The following MYBPC2 variants were observed in gnomAD, a reference collection of about 807,000 sequenced individuals.
MYBPC2 encodes the protein myosin binding protein C2.
In MYBPC2, 122 loss-of-function variants were observed where a neutral mutation model predicts 137.0. The observed-to-expected ratio is 0.89, with a 90% confidence interval of 0.77 to 1.03. MYBPC2 has a LOEUF of 1.03. MYBPC2 is among the 50% of genes least tolerant of loss of function. MYBPC2 has a pLI of 0.00. For missense variants in MYBPC2, 1,500 were observed against 1,534.4 expected (o/e 0.98, Z 0.37); for synonymous variants, 626 against 612.3 (o/e 1.02, Z -0.33).
chr19:50,462,150 G>C (rs528221982), intron 26 of MYBPC2, 114 bp downstream of exon 26: 25 of 1,396,964 alleles, frequency 1.8e-5, no homozygotes, highest in Middle Eastern at 5.0e-4. Flanking sequence ...TCTGTCTCAA[G>C]GGATTTAGTC....
chr19:50,435,050 G>A lies in MYBPC2; in HGVS notation c.20-111G>A. 2 of 678,722 alleles carry A rather than the reference G, an allele frequency of 2.9e-6. No individual in the cohort carries two copies. Among genetic ancestry groups the A allele is most frequent in the Admixed American group, 2.2e-5 (1 of 44,910 alleles). The allele number at this position is 678,722 out of a possible 1,614,324, so 42.0% of individuals were successfully genotyped here. A position where few individuals can be genotyped will look rare whatever the true frequency, so the allele number is the denominator to read the frequency against. ...TGAGGGAGGAGGGGCTGGGGGCCTG[G>A]ACTCCTGGGTCTGAGGGAGGAGGGG... is the stretch of plus-strand genomic sequence containing the variant. On this transcript the variant is annotated intron_variant, in intron 1 of 27. Coordinates refer to ENST00000357701, the MANE Select transcript of MYBPC2 (RefSeq NM_004533.4). This position sits in a 1 kb window ranked among gnomAD's most constrained non-coding sequence, Gnocchi z 4.8.
rs1601293496 is a variant in MYBPC2 at position 50,454,998 on chromosome 19, C to T, written c.2015-110C>T. 7 of 1,025,164 alleles carry T rather than the reference C, an allele frequency of 6.8e-6. No individual in the cohort carries two copies. The South Asian group carries it at 8.3e-5, about 12-fold the overall frequency. The allele number at this position is 1,025,164 out of a possible 1,614,324, so 63.5% of individuals were successfully genotyped here. On this transcript the variant is annotated intron_variant, in intron 18 of 27. Coordinates refer to ENST00000357701, the MANE Select transcript of MYBPC2 (RefSeq NM_004533.4). Reference sequence around the variant, plus strand: ...CTGAGATCCACCTAAGATTCATGGCCTCGGACCGCCCTGGCCATGCGATCC... The same window carrying T: ...CTGAGATCCACCTAAGATTCATGGCTTCGGACCGCCCTGGCCATGCGATCC...
At chr19:50,460,608 C>A (rs773600777) in intron 24 of MYBPC2, among the ~76,000 whole-genome samples, 1 of 152,188 alleles carries the variant, frequency 6.6e-6, no homozygotes, top group Non-Finnish European at 1.5e-5. Context: ...AGCTATGTGA[C>A]CCTTGTGTCT....
At chr19:50,448,199 C>T (rs1372267347) in intron 12 of MYBPC2, 26 bp from the exon 13 acceptor site, 2 of 1,604,312 alleles carry the variant, frequency 1.2e-6, no homozygotes, top group East Asian at 4.5e-5. Flanking sequence ...GTAGTGACGG[C>T]TCCTTGTCTT....
Position 50,447,784 on chromosome 19 carries a change from G to C in MYBPC2, c.1307-441G>C, listed in dbSNP as rs948217057. ...AGGCAGGAGTATCACTTGTACCCGG[G>C]GGGTGGAGTTTTCAGTGAGCCAAAA... On this transcript the variant is annotated intron_variant, in intron 12 of 27. Coordinates refer to ENST00000357701, the MANE Select transcript of MYBPC2 (RefSeq NM_004533.4). 4.6e-5 allele frequency among the ~76,000 whole-genome samples: 7 copies of C among 152,188 alleles called. No individual in the cohort carries two copies. In the South Asian group the frequency reaches 1.0e-3, roughly 23 times the overall value.
chr19:50,433,809 CTCACGCCTGTCATCCCAGCA>C (rs2039679132), intron 1 of MYBPC2, among the ~76,000 whole-genome samples: 1 of 148,672 alleles, frequency 6.7e-6, no homozygotes, highest in African/African-American at 2.5e-5. Context: ...GGTGCAGGGG[CTCACGCCTGTCATCCCAGCA>C]CTCTGGGATA....
At position 50,465,052 on chromosome 19, in the gene MYBPC2, G is replaced by GC. The variant is rs1364966790; in HGVS notation, c.3415+522dup. On this transcript the variant is annotated intron_variant, in intron 27 of 27. Transcript: ENST00000357701. This position sits in a 1 kb window ranked among gnomAD's most constrained non-coding sequence, Gnocchi z 4.5. ...TTCCTCCCATATTCCATTTCCAGCC[G>GC]CCTCCGTCTCCAGTCTCTCCCTCCT... Among the ~76,000 whole-genome samples the GC allele has an allele frequency of 4.6e-5, 7 of 151,556 alleles. No individual in the cohort carries two copies. The highest frequency in any genetic ancestry group is 8.8e-5 in the Non-Finnish European group (6 of 67,906).
At chr19:50,461,032 C>G (rs912276563) in intron 24 of MYBPC2, among the ~76,000 whole-genome samples, 1 of 147,816 alleles carries the variant, frequency 6.8e-6, no homozygotes, top group African/African-American at 2.5e-5. Flanking sequence ...GAGACAGGGT[C>G]TTACTCTGTC....
Position 50,448,298 on chromosome 19 carries a change from C to G in MYBPC2, c.1380C>G (p.Cys460Trp). ...VKASEQAVFK[C>W]EVSDEKVTGK... ...CCTCAGAACAAGCTGTGTTCAAGTGCGAGGTGTCTGATGAGAAAGTGACGG... is the reference window on the plus strand; with the variant it reads ...CCTCAGAACAAGCTGTGTTCAAGTGGGAGGTGTCTGATGAGAAAGTGACGG... The change falls in exon 13 of 28, where the codon TGC becomes TGG. Residue 460 changes from cysteine to tryptophan, a missense_variant. Coordinates refer to ENST00000357701, the MANE Select transcript of MYBPC2 (RefSeq NM_004533.4). 3 of 1,613,758 alleles carry G rather than the reference C, an allele frequency of 1.9e-6. No homozygotes were observed. Among genetic ancestry groups the G allele is most frequent in the Non-Finnish European group, 1.7e-6 (2 of 1,179,796 alleles).
chr19:50,441,831 C>T (rs549602199), intron 8 of MYBPC2, among the ~76,000 whole-genome samples: 3 of 150,852 alleles, frequency 2.0e-5, no homozygotes, highest in Admixed American at 2.0e-4. Context: ...CAGAGTGAGA[C>T]TCTGTCTCAA....
chr19:50,459,951 A>G (rs2039956093), intron 23 of MYBPC2, 89 bp from the exon 24 acceptor site: 2 of 1,476,812 alleles, frequency 1.4e-6, no homozygotes, highest in Non-Finnish European at 1.8e-6. Context: ...GGTTAGAATC[A>G]GGAGGGAGGG....
At chr19:50,462,095 A>C in intron 26 of MYBPC2, 59 bp downstream of exon 26, 1 of 1,513,600 alleles carries the variant, frequency 6.6e-7, no homozygotes. Context: ...TCTTCCATAC[A>C]ATGAAGCCCA....
In MYBPC2 at chr19:50,464,566, C is replaced by T. The variant is rs543881557; in HGVS notation, c.3415+34C>T. The stretch of plus-strand genomic sequence containing the variant: ...GTGGCCATCCCCAACACTGGCTGAC[C>T]CTTGCTCGGGCCCTGTGCCAGCCTG... On this transcript the variant is annotated intron_variant, in intron 27 of 27. Transcript: ENST00000357701. 2.6e-6 allele frequency: 4 copies of T among 1,564,204 alleles called. No individual in the cohort carries two copies. In the Admixed American group the frequency reaches 5.4e-5, roughly 21 times the overall value.
At chr19:50,442,655 G>A (rs2039766856) in intron 9 of MYBPC2, among the ~76,000 whole-genome samples, 1 of 151,990 alleles carries the variant, frequency 6.6e-6, no homozygotes, top group South Asian at 2.1e-4. Flanking sequence ...AACCCAGGAG[G>A]CAAGAGGTTG....
intron 20 of MYBPC2, among the ~76,000 whole-genome samples, chr19:50,457,092 G>A (rs1445573156): frequency 6.6e-6 from 1 of 152,202 alleles, no homozygotes; most frequent in Non-Finnish European, 1.5e-5. Context: ...CCTTGGGCAA[G>A]TCTCTGAGCC....
chr19:50,461,740 C>T (rs985937078), intron 25 of MYBPC2, 39 bp downstream of exon 25: 12 of 1,610,456 alleles, frequency 7.5e-6, no homozygotes, highest in East Asian at 4.5e-5. Context: ...CCCACCCCGT[C>T]CACCCTCTCG....
rs141036311 is a variant in MYBPC2, at chr19:50,434,981, T to C, written c.20-180T>C. On this transcript the variant is annotated intron_variant, in intron 1 of 27. Coordinates refer to ENST00000357701, the MANE Select transcript of MYBPC2 (RefSeq NM_004533.4). ...ATACCTAGGGTGGGGGCCTGGACTC[T>C]TGGGTCTGAGGGAGGAGGGGCTGGG... Among the ~76,000 whole-genome samples the C allele has an allele frequency of 3.1e-3, 421 of 135,822 alleles. 4 individuals are homozygous for C. The highest frequency in any genetic ancestry group is 0.013 in the African/African-American group (396 of 31,590). 89.1% of individuals were successfully genotyped at this position (135,822 alleles called of 152,430 possible).
In MYBPC2 at chr19:50,458,520, CCGGGAGAAA is replaced by C; in HGVS notation, c.2339-60_2339-52del. ...CGCTCGCTGCGTGGGGCCCAAGTCCCCGGGAGAAACGGGAGCGGAGGATGGGAGGAGGGC... is the reference window on the plus strand; with the variant it reads ...CGCTCGCTGCGTGGGGCCCAAGTCCCCGGGAGCGGAGGATGGGAGGAGGGC... On this transcript the variant is annotated intron_variant, in intron 20 of 27. Transcript: ENST00000357701. 6 of 1,567,888 alleles carry C rather than the reference CCGGGAGAAA, an allele frequency of 3.8e-6. No homozygotes were observed. The South Asian group carries it at 7.0e-5, about 18-fold the overall frequency.
At chr19:50,433,383 TTTTG>T (rs2039674346) in intron 1 of MYBPC2, among the ~76,000 whole-genome samples, 2 of 148,876 alleles carry the variant, frequency 1.3e-5, no homozygotes, top group African/African-American at 5.0e-5. Context: ...GACTGGGTTT[TTTTG>T]TTTGTTTTTG....
Sources: gnomAD v4.1 joint callset for allele counts (sites outside exome capture counted in the v4.1 genomes callset) on GRCh38, gnomAD v4.1.1 for gene constraint, Gnocchi (gnomAD v3.1) non-coding constraint, MANE v1.5 for transcripts, NCBI Gene and HGNC (gene_info 2026-07-23, HGNC 2026-07-21) for gene names.